The following PLCH1 variants were observed in gnomAD, a reference collection of about 807,000 sequenced individuals.
The protein encoded by PLCH1 is phospholipase C eta 1.
Under a neutral mutation model 126.7 loss-of-function variants are expected in PLCH1, and 60 were observed. The observed-to-expected ratio is 0.47, with a 90% CI of 0.38 to 0.59. The LOEUF is 0.59. PLCH1 is among the 20% of genes least tolerant of loss of function. The pLI is 0.00. For synonymous variants in PLCH1, 719 were observed against 734.9 expected (o/e 0.98, Z 0.35); for missense variants, 1,723 against 2,040.0 (o/e 0.84, Z 2.99).
chr3:155,582,279 C>T (rs1033635158), intron 6 of PLCH1, among the ~76,000 whole-genome samples: 4 of 150,256 alleles, frequency 2.7e-5, no homozygotes, highest in Non-Finnish European at 5.9e-5. Context: ...GACTGGGTTT[C>T]GCCATGTTGG....
In PLCH1 at chr3:155,481,990, A is replaced by T. The variant is rs1714144882; in HGVS notation, c.4036T>A (p.Ser1346Thr). ...VIADPTLCFN[S>T]GESSLVEIDG... Reference sequence around the variant, plus strand: ...ATTTCCACAAGGCTGCTCTCCCCAGAATTGAAACAGAGAGTGGGATCAGCT... The same window carrying T: ...ATTTCCACAAGGCTGCTCTCCCCAGTATTGAAACAGAGAGTGGGATCAGCT... The change falls in exon 23 of 23, where the codon TCT becomes ACT. Residue 1346 changes from serine to threonine, a missense_variant. Ser to Thr is a moderately conservative substitution (Grantham distance 58). Around this residue, in one of 2 missense-constraint regions of PLCH1, gnomAD observed 947 missense variants for 977.1 expected, o/e 0.97. Transcript: ENST00000460012. The surrounding 1 kb of genome is among the most constrained non-coding windows in gnomAD (Gnocchi z 4.2). 6.2e-7 allele frequency: 1 copy of T among 1,614,068 alleles called. No homozygotes were observed.
At chr3:155,665,266 G>A (rs968348949) in intron 2 of PLCH1, among the ~76,000 whole-genome samples, 4 of 152,148 alleles carry the variant, frequency 2.6e-5, no homozygotes, top group African/African-American at 9.7e-5. Context: ...AAAGCAGTAA[G>A]AAATGTGTAT....
chr3:155,581,002 T>C (rs958513502), intron 6 of PLCH1, among the ~76,000 whole-genome samples: 3 of 152,230 alleles, frequency 2.0e-5, no homozygotes, highest in Admixed American at 6.5e-5. Context: ...TCTGAAATGT[T>C]ACTAATCCAA....
intron 6 of PLCH1, among the ~76,000 whole-genome samples, chr3:155,578,851 C>T (rs1730308442): frequency 6.6e-6 from 1 of 152,048 alleles, no homozygotes; most frequent in Non-Finnish European, 1.5e-5. Context: ...CCCATAAAAC[C>T]TAGGAAGAAT....
At chr3:155,724,344 A>G (rs1167956489) in intron 1 of PLCH1, among the ~76,000 whole-genome samples, 1 of 152,118 alleles carries the variant, frequency 6.6e-6, no homozygotes, top group African/African-American at 2.4e-5. Flanking sequence ...GGAGTATTAC[A>G]GTCCTCCATT....
At chr3:155,607,941 C>T (rs900945586) in intron 2 of PLCH1, among the ~76,000 whole-genome samples, 2 of 152,128 alleles carry the variant, frequency 1.3e-5, no homozygotes, top group South Asian at 2.1e-4. Flanking sequence ...GAAGAAACAG[C>T]TCACTCTGTA....
chr3:155,635,637 T>C (rs1200898088), intron 2 of PLCH1, among the ~76,000 whole-genome samples: 1 of 152,254 alleles, frequency 6.6e-6, no homozygotes, highest in Non-Finnish European at 1.5e-5. Flanking sequence ...GAGCAAATCC[T>C]ACAGAGATCA....
intron 2 of PLCH1, among the ~76,000 whole-genome samples, chr3:155,696,328 T>C (rs1745796689): frequency 6.6e-6 from 1 of 152,196 alleles, no homozygotes; most frequent in South Asian, 2.1e-4. Flanking sequence ...TTCAACTTTC[T>C]TTTGATAGAT....
intron 2 of PLCH1, among the ~76,000 whole-genome samples, chr3:155,655,428 T>C (rs1741236249): frequency 8.6e-6 from 1 of 116,476 alleles, no homozygotes; most frequent in African/African-American, 3.1e-5. Context: ...AAGAAACTTG[T>C]GAGAAAAAAA....
Position 155,482,922 on chromosome 3 carries a change from A to G in PLCH1, c.3104T>C (p.Ile1035Thr), listed in dbSNP as rs1714411633. Residue 1035 changes from isoleucine to threonine, a missense_variant, in exon 23 of 23, where the codon ATT (isoleucine) becomes ACT (threonine). Ile to Thr is a moderately conservative substitution (Grantham distance 89). Transcript: ENST00000460012. ...LHKDTSQGDT[I>T]VSTAHMSVTG... ...GACTGACATGTGGGCAGTAGATACA[A>G]TGGTGTCCCCTTGGCTGGTATCTTT... The G allele has an allele frequency of 1.9e-6, 3 of 1,614,170 alleles. No individual in the cohort carries two copies. Among genetic ancestry groups the G allele is most frequent in the South Asian group, 1.1e-5 (1 of 91,076 alleles).
intron 21 of PLCH1, among the ~76,000 whole-genome samples, chr3:155,455,253 A>C (rs1034017314): frequency 6.6e-6 from 1 of 152,150 alleles, no homozygotes; most frequent in Non-Finnish European, 1.5e-5. Flanking sequence ...TCACCCTGCC[A>C]CTGGTTGCAG....
chr3:155,546,538 C>T (rs1226608114), intron 10 of PLCH1, among the ~76,000 whole-genome samples: 1 of 152,172 alleles, frequency 6.6e-6, no homozygotes, highest in Non-Finnish European at 1.5e-5. Flanking sequence ...GAAAAAACTA[C>T]TTTAAAGTTC....
At chr3:155,479,376 C>A (rs1713694408), downstream of PLCH1, among the ~76,000 whole-genome samples, 2 of 152,292 alleles carry the variant, frequency 1.3e-5, no homozygotes, top group South Asian at 4.1e-4. Context: ...CAACCAGACT[C>A]CCAGTGCCTG....
intron 21 of PLCH1, among the ~76,000 whole-genome samples, chr3:155,465,845 A>C (rs1712909757): frequency 6.6e-6 from 1 of 152,190 alleles, no homozygotes; most frequent in Non-Finnish European, 1.5e-5. Flanking sequence ...GTAGTCTGAC[A>C]GTACTCCTCA....
chr3:155,663,070 C>G (rs1355390614), intron 2 of PLCH1, among the ~76,000 whole-genome samples: 1 of 152,172 alleles, frequency 6.6e-6, no homozygotes, highest in South Asian at 2.1e-4. Context: ...AATAAACAAT[C>G]ATGGTGTGCC....
intron 8 of PLCH1, among the ~76,000 whole-genome samples, chr3:155,562,716 T>A (rs1000483891): frequency 2.1e-4 from 32 of 152,206 alleles, no homozygotes; most frequent in African/African-American, 7.0e-4. Context: ...GTGGCCAATC[T>A]CCACTCACTT....
At chr3:155,552,298 A>T (rs910898170) in intron 9 of PLCH1, among the ~76,000 whole-genome samples, 2 of 152,244 alleles carry the variant, frequency 1.3e-5, no homozygotes, top group African/African-American at 4.8e-5. Context: ...ATAATAAGAG[A>T]TTGCTCATAT....
intron 10 of PLCH1, among the ~76,000 whole-genome samples, chr3:155,532,489 C>T (rs1171901047): frequency 6.6e-6 from 1 of 152,094 alleles, no homozygotes; most frequent in Non-Finnish European, 1.5e-5. Context: ...CTGTAATCCC[C>T]ATAATACCCA....
intron 2 of PLCH1, among the ~76,000 whole-genome samples, chr3:155,636,970 T>G (rs1322736209): frequency 6.6e-6 from 1 of 152,252 alleles, no homozygotes; most frequent in Non-Finnish European, 1.5e-5. Flanking sequence ...TTTTTACTTT[T>G]AGTAATTGAT....
Sources: gnomAD v4.1 joint callset for allele counts (sites outside exome capture counted in the v4.1 genomes callset) on GRCh38, gnomAD v4.1.1 for gene constraint, gnomAD v4.1.1 regional missense constraint, Gnocchi (gnomAD v3.1) non-coding constraint, MANE v1.5 for transcripts, NCBI Gene and HGNC (gene_info 2026-07-23, HGNC 2026-07-21) for gene names.